SLC24A3: variants seen among roughly 807,000 people sequenced by gnomAD.
SLC24A3 encodes sodium/potassium/calcium exchanger 3.
A neutral mutation model predicts 75.8 loss-of-function variants in SLC24A3; 28 were observed. The ratio of observed to expected loss-of-function variants is 0.37; its 90% CI spans 0.27 to 0.51. SLC24A3 has a LOEUF of 0.51. SLC24A3 is among the 20% of genes least tolerant of loss of function. SLC24A3 has a pLI of 0.94. For synonymous variants in SLC24A3, 372 were observed against 334.1 expected (o/e 1.11, Z -1.24); for missense variants, 663 against 847.8 (o/e 0.78, Z 2.71).
Position 19,676,268 on chromosome 20 carries a change from G to A in SLC24A3, c.767+2614G>A, listed in dbSNP as rs115326754. Among the ~76,000 whole-genome samples the A allele has an allele frequency of 3.4e-3, 515 of 152,222 alleles. 7 individuals are homozygous for A. Among genetic ancestry groups the A allele is most frequent in the African/African-American group, 0.012 (489 of 41,530 alleles). ...CACGTGTACAGTAAGATAGTACAGC[G>A]AACACATCCTCTCCTCTTCCCCAAA... On this transcript the variant is annotated intron_variant, in intron 9 of 16. Coordinates refer to ENST00000328041, the MANE Select transcript of SLC24A3 (RefSeq NM_020689.4).
chr20:19,340,284 C>T (rs908143653), intron 2 of SLC24A3, among the ~76,000 whole-genome samples: 98 of 152,110 alleles, frequency 6.4e-4, no homozygotes, highest in African/African-American at 2.3e-3. Context: ...AAGATAAAGG[C>T]AGTTGCTGGG....
At chr20:19,696,763 C>A in intron 13 of SLC24A3, 34 bp from the exon 14 acceptor site, 1 of 1,485,202 alleles carries the variant, frequency 6.7e-7, no homozygotes, top group South Asian at 1.1e-5. Flanking sequence ...CTTGAGGTGA[C>A]CCTCAGCTGA....
In SLC24A3 at chr20:19,690,434, C is replaced by CT. The variant is rs1050025817; in HGVS notation, c.1325-2816dup. ...TTCTGACTTCATTTTTTTCTTCCCTCTTTTTTTTTATTTTCTGAAGAATGT... is the reference window on the plus strand; with the variant it reads ...TTCTGACTTCATTTTTTTCTTCCCTCTTTTTTTTTTATTTTCTGAAGAATGT... On this transcript the variant is annotated intron_variant, in intron 12 of 16. Coordinates refer to ENST00000328041, the MANE Select transcript of SLC24A3 (RefSeq NM_020689.4). Among the ~76,000 whole-genome samples the CT allele has an allele frequency of 3.3e-3, 505 of 151,710 alleles. 7 individuals are homozygous for CT. Among genetic ancestry groups the CT allele is most frequent in the African/African-American group, 0.012 (484 of 41,438 alleles).
At chr20:19,218,201 A>T (rs543905828) in intron 1 of SLC24A3, among the ~76,000 whole-genome samples, 2 of 152,234 alleles carry the variant, frequency 1.3e-5, no homozygotes, top group Non-Finnish European at 2.9e-5. Context: ...TTAGGAGCCC[A>T]TCAGCTGACA....
chr20:19,427,592 C>T (rs1987032800), intron 2 of SLC24A3, among the ~76,000 whole-genome samples: 4 of 152,366 alleles, frequency 2.6e-5, no homozygotes, highest in Admixed American at 1.3e-4. Context: ...TGTGAAGACG[C>T]TCCCTGTGAA....
intron 15 of SLC24A3, among the ~76,000 whole-genome samples, chr20:19,706,637 G>A (rs1054694308): frequency 6.6e-6 from 1 of 152,120 alleles, no homozygotes; most frequent in Non-Finnish European, 1.5e-5. Context: ...GAAACAAAGT[G>A]GCAGAAATGA....
intron 2 of SLC24A3, among the ~76,000 whole-genome samples, chr20:19,403,598 G>A (rs1351789602): frequency 2.0e-5 from 3 of 152,120 alleles, no homozygotes; most frequent in East Asian, 3.9e-4. Context: ...TAGTACTGTG[G>A]GAACAAATAA....
intron 2 of SLC24A3, among the ~76,000 whole-genome samples, chr20:19,438,483 A>T (rs1446182764): frequency 6.6e-6 from 1 of 152,146 alleles, no homozygotes. Context: ...TAGTGTGGAC[A>T]GCAAGCTGCT....
chr20:19,612,934 C>G (rs1201460237), intron 6 of SLC24A3, among the ~76,000 whole-genome samples: 1 of 152,226 alleles, frequency 6.6e-6, no homozygotes, highest in African/African-American at 2.4e-5. Context: ...CCAACCCTTC[C>G]TCAGGTCCCT....
chr20:19,376,328 A>G (rs939671660), intron 2 of SLC24A3, among the ~76,000 whole-genome samples: 3 of 152,214 alleles, frequency 2.0e-5, no homozygotes, highest in Non-Finnish European at 2.9e-5. Context: ...GGACAAATGG[A>G]GGGCTATCAG....
intron 2 of SLC24A3, among the ~76,000 whole-genome samples, chr20:19,370,689 G>A (rs1985977575): frequency 6.6e-6 from 1 of 152,242 alleles, no homozygotes; most frequent in Non-Finnish European, 1.5e-5. Flanking sequence ...ATCAGGTAGA[G>A]TAAAAATTTC....
At chr20:19,660,026 C>T (rs2424241) in intron 7 of SLC24A3, among the ~76,000 whole-genome samples, 63,835 of 151,992 alleles carry the variant, frequency 0.42, 15,481 homozygotes, top group African/African-American at 0.67. Context: ...TCACCGGCAG[C>T]TGGCTGACCT....
chr20:19,315,791 C>CGTTT (rs143543198), intron 2 of SLC24A3, among the ~76,000 whole-genome samples: 2,420 of 152,306 alleles, frequency 0.016, 26 homozygotes, highest in Non-Finnish European at 0.025. Context: ...TGTACATAAA[C>CGTTT]GTAGGTGCTC....
chr20:19,424,173 C>A (rs560260355), intron 2 of SLC24A3, among the ~76,000 whole-genome samples: 1 of 152,164 alleles, frequency 6.6e-6, no homozygotes, highest in African/African-American at 2.4e-5. Flanking sequence ...ATACCCAAGA[C>A]AATTTCCTGG....
intron 9 of SLC24A3, 150 bp downstream of exon 9, chr20:19,673,804 C>T (rs1157512722): frequency 6.6e-5 from 43 of 656,266 alleles, no homozygotes; most frequent in Non-Finnish European, 8.9e-5. Flanking sequence ...TGTTGTGAGT[C>T]ACTGTAATTT....
intron 2 of SLC24A3, among the ~76,000 whole-genome samples, chr20:19,464,008 A>T (rs1253283787): frequency 6.6e-6 from 1 of 152,240 alleles, no homozygotes; most frequent in Admixed American, 6.5e-5. Context: ...CACTTGTGAA[A>T]TACCAAGAAT....
chr20:19,298,913 G>C (rs1984125592), intron 2 of SLC24A3, among the ~76,000 whole-genome samples: 2 of 152,190 alleles, frequency 1.3e-5, no homozygotes, highest in Admixed American at 1.3e-4. Context: ...GTTGGGGGCT[G>C]TTCCCAGAAG....
intron 2 of SLC24A3, among the ~76,000 whole-genome samples, chr20:19,470,116 C>T (rs1987843516): frequency 6.6e-6 from 1 of 152,174 alleles, no homozygotes; most frequent in Non-Finnish European, 1.5e-5. Flanking sequence ...ATTCCTTGGC[C>T]CATTCAGCTC....
At chr20:19,434,218 G>A (rs1472300670) in intron 2 of SLC24A3, among the ~76,000 whole-genome samples, 1 of 152,132 alleles carries the variant, frequency 6.6e-6, no homozygotes, top group Non-Finnish European at 1.5e-5. Flanking sequence ...AATTTTCATG[G>A]GCAGTAAAAC....
Sources: gnomAD v4.1 joint callset for allele counts (sites outside exome capture counted in the v4.1 genomes callset) on GRCh38, gnomAD v4.1.1 for gene constraint, MANE v1.5 for transcripts, NCBI Gene and HGNC (gene_info 2026-07-23, HGNC 2026-07-21) for gene names.